The following PTPRT variants were observed in gnomAD, a reference collection of about 807,000 sequenced individuals.
The protein encoded by PTPRT is receptor-type tyrosine-protein phosphatase T.
Under a neutral mutation model 176.8 loss-of-function variants are expected in PTPRT, and 56 were observed. That is an observed-to-expected ratio of 0.32 (90% confidence interval 0.26 to 0.40). The LOEUF (loss-of-function observed/expected upper bound fraction) is 0.40, where lower values mean the gene tolerates loss of function less well. Ranked by LOEUF, PTPRT falls within the 10% of genes least tolerant of loss-of-function variation. PTPRT has a pLI of 1.00. For synonymous variants in PTPRT, 783 were observed against 739.0 expected (o/e 1.06, Z -0.96); for missense variants, 1,540 against 1,908.2 (o/e 0.81, Z 3.60).
chr20:42,920,602 A>G (rs1240259398), intron 1 of PTPRT, among the ~76,000 whole-genome samples: 1 of 152,196 alleles, frequency 6.6e-6, no homozygotes. Context: ...AAAAAAAGTC[A>G]TGGTCACATA....
chr20:42,719,703 A>T (rs1043732895), intron 6 of PTPRT, among the ~76,000 whole-genome samples: 1 of 152,228 alleles, frequency 6.6e-6, no homozygotes, highest in African/African-American at 2.4e-5. Context: ...TATAGAAACT[A>T]TGAGCAAATC....
At chr20:42,215,598 T>C (rs2146761381) in intron 15 of PTPRT, among the ~76,000 whole-genome samples, 1 of 117,474 alleles carries the variant, frequency 8.5e-6, no homozygotes, top group South Asian at 3.2e-4. Flanking sequence ...AGTTTCATCT[T>C]GCTCTATCCA....
At chr20:42,119,017 A>G (rs1987443632) in intron 20 of PTPRT, among the ~76,000 whole-genome samples, 1 of 138,878 alleles carries the variant, frequency 7.2e-6, no homozygotes, top group East Asian at 2.0e-4. Flanking sequence ...AGGAAGGAAA[A>G]AAAAAAAAAA....
chr20:42,283,002 T>C (rs1361559904), intron 12 of PTPRT, among the ~76,000 whole-genome samples: 1 of 152,188 alleles, frequency 6.6e-6, no homozygotes, highest in Admixed American at 6.5e-5. Flanking sequence ...ATATGAAACA[T>C]GTCAAACTCA....
At chr20:42,537,016 A>G (rs1354698888) in intron 7 of PTPRT, among the ~76,000 whole-genome samples, 2 of 152,336 alleles carry the variant, frequency 1.3e-5, no homozygotes, top group Non-Finnish European at 1.5e-5. Context: ...AGATAATATC[A>G]TGTAATAAAA....
intron 2 of PTPRT, among the ~76,000 whole-genome samples, chr20:42,867,783 GC>G (rs549849213): frequency 4.8e-5 from 7 of 146,344 alleles, no homozygotes; most frequent in Non-Finnish European, 1.0e-4. Context: ...CCAGGTTTAA[GC>G]GATTCTCCTG....
At chr20:42,714,348 A>T (rs2076192112) in intron 6 of PTPRT, among the ~76,000 whole-genome samples, 1 of 152,152 alleles carries the variant, frequency 6.6e-6, no homozygotes, top group African/African-American at 2.4e-5. Context: ...GAGTGTCCAG[A>T]TGGGGGCCAA....
chr20:42,931,978 C>T lies in PTPRT; in HGVS notation c.89-46046G>A, dbSNP rs907024121. ...CTGAATCCATCCCAGTTTGCACATG[C>T]AGGCTGGAAACCACTATCTGAGGCC... On this transcript the variant is annotated intron_variant, in intron 1 of 30. Coordinates refer to ENST00000373187, the MANE Select transcript of PTPRT (RefSeq NM_007050.6). Among the ~76,000 whole-genome samples the T allele has an allele frequency of 2.0e-5, 3 of 152,236 alleles. No homozygotes were observed. In the South Asian group the frequency reaches 6.2e-4, roughly 31 times the overall value.
chr20:42,960,191 T>G (rs1365508632), intron 1 of PTPRT, among the ~76,000 whole-genome samples: 1 of 152,174 alleles, frequency 6.6e-6, no homozygotes, highest in Admixed American at 6.5e-5. Context: ...ATTAGTCCAT[T>G]TCTGCTGATA....
At chr20:42,112,281 GCT>G (rs1317544156) in intron 22 of PTPRT, among the ~76,000 whole-genome samples, 2 of 152,150 alleles carry the variant, frequency 1.3e-5, no homozygotes, top group South Asian at 2.1e-4. Context: ...ATTGCCACCT[GCT>G]CTGAGTCGTG....
At chr20:42,849,424 A>G (rs1234374358) in intron 2 of PTPRT, among the ~76,000 whole-genome samples, 3 of 152,256 alleles carry the variant, frequency 2.0e-5, no homozygotes, top group Non-Finnish European at 4.4e-5. Flanking sequence ...ACAGAAAGTC[A>G]GGCATGTACT....
intron 7 of PTPRT, among the ~76,000 whole-genome samples, chr20:42,478,184 T>C (rs1234520507): frequency 1.3e-5 from 2 of 152,092 alleles, no homozygotes; most frequent in Non-Finnish European, 2.9e-5. Flanking sequence ...GTGGGGCCCT[T>C]GTGGGGAGAG....
intron 7 of PTPRT, among the ~76,000 whole-genome samples, chr20:42,509,774 T>C (rs2071920899): frequency 1.3e-5 from 2 of 152,098 alleles, no homozygotes; most frequent in Non-Finnish European, 2.9e-5. Context: ...GTACCTGCTG[T>C]TTCAGACTGA....
intron 7 of PTPRT, among the ~76,000 whole-genome samples, chr20:42,614,285 C>A (rs1047186123): frequency 1.3e-5 from 2 of 152,160 alleles, no homozygotes; most frequent in African/African-American, 2.4e-5. Context: ...ACACCCCCAA[C>A]ACACACACCT....
Position 42,503,157 on chromosome 20 carries a change from T to C in PTPRT, c.1154-30595A>G, listed in dbSNP as rs7273823. On this transcript the variant is annotated intron_variant, in intron 7 of 30. Coordinates refer to ENST00000373187, the MANE Select transcript of PTPRT (RefSeq NM_007050.6). ...GAGTTTTGGCTTTGTTGATACACTC[T>C]GTTTTAGCTTTTCTTATTTCATTGA... Among the ~76,000 whole-genome samples the C allele has an allele frequency of 7.6e-3, 1,156 of 152,160 alleles. 21 individuals carry two copies. Among genetic ancestry groups the C allele is most frequent in the African/African-American group, 0.027 (1,114 of 41,558 alleles).
chr20:42,362,250 G>A (rs1046627365), intron 9 of PTPRT, among the ~76,000 whole-genome samples: 2 of 152,132 alleles, frequency 1.3e-5, no homozygotes, highest in African/African-American at 2.4e-5. Flanking sequence ...TTCGGTGACA[G>A]AGTGAGACCC....
At chr20:42,763,863 G>A (rs74317439) in intron 5 of PTPRT, among the ~76,000 whole-genome samples, 5,014 of 152,232 alleles carry the variant, frequency 0.033, 260 homozygotes, top group African/African-American at 0.12. Context: ...TTGATTTCTG[G>A]GTTTAGAACT....
In PTPRT at chr20:43,189,510, G is replaced by T; in HGVS notation, c.88+136C>A. On this transcript the variant is annotated intron_variant, in intron 1 of 30. Coordinates refer to ENST00000373187, the MANE Select transcript of PTPRT (RefSeq NM_007050.6). This position sits in a 1 kb window ranked among gnomAD's most constrained non-coding sequence, Gnocchi z 5.0. Reference sequence around the variant, plus strand: ...ACTGCTTCCCGCGCCTGCAAGCTGAGACCCGGGTTCCGGCCATGGGGACCC... The same window carrying T: ...ACTGCTTCCCGCGCCTGCAAGCTGATACCCGGGTTCCGGCCATGGGGACCC... 2 of 468,154 alleles carry T rather than the reference G, an allele frequency of 4.3e-6. No homozygotes were observed. Among genetic ancestry groups the T allele is most frequent in the Non-Finnish European group, 6.5e-6 (2 of 309,480 alleles). 29.0% of individuals were successfully genotyped at this position (468,154 alleles called of 1,614,324 possible).
rs898972946 is a variant in PTPRT at position 42,185,442 on chromosome 20, A to T, written c.2491+13798T>A. Among the ~76,000 whole-genome samples, 4 of 152,134 alleles carry T rather than the reference A, an allele frequency of 2.6e-5. No homozygotes were observed. The East Asian group carries it at 7.7e-4, about 29-fold the overall frequency. On this transcript the variant is annotated intron_variant, in intron 16 of 30. Coordinates refer to ENST00000373187, the MANE Select transcript of PTPRT (RefSeq NM_007050.6). The stretch of plus-strand genomic sequence containing the variant: ...TCAGATTCCCAGATCCAAATGGTTG[A>T]CTTCTTGAGGATATTTTGAGCAGCA...
Sources: allele counts gnomAD v4.1 joint callset (sites outside exome capture counted in the v4.1 genomes callset), GRCh38; gene constraint gnomAD v4.1.1; non-coding constraint Gnocchi (gnomAD v3.1); transcripts MANE v1.5; gene names NCBI Gene and HGNC (gene_info 2026-07-23, HGNC 2026-07-21).